RPH3A: variants seen among roughly 807,000 people sequenced by gnomAD.
The protein encoded by RPH3A is rabphilin 3A.
Under a neutral mutation model 102.2 loss-of-function variants are expected in RPH3A, and 48 were observed. That is an observed-to-expected ratio of 0.47 (90% CI 0.37 to 0.60). The LOEUF is 0.60. Among genes scored for constraint, RPH3A ranks in the 20% least tolerant of loss-of-function variants. RPH3A has a pLI of 0.00. For missense variants in RPH3A, 781 were observed against 910.1 expected, an observed-to-expected ratio of 0.86 and a Z score of 1.83; for synonymous variants, 310 against 324.3, an observed-to-expected ratio of 0.96 and a Z score of 0.47.
intron 2 of RPH3A, among the ~76,000 whole-genome samples, chr12:112,794,679 A>AC (rs1056212229): frequency 1.1e-4 from 16 of 151,718 alleles, no homozygotes; most frequent in East Asian, 3.9e-4. Context: ...CCATGTGAGC[A>AC]CCCCCCCAAG....
intron 1 of RPH3A, among the ~76,000 whole-genome samples, chr12:112,735,197 T>A (rs896378017): frequency 7.2e-5 from 11 of 152,316 alleles, no homozygotes; most frequent in African/African-American, 2.6e-4. Context: ...TTTAAGAGCT[T>A]AGTATCGATT....
chr12:112,746,157 C>T (rs1257935212), intron 1 of RPH3A, among the ~76,000 whole-genome samples: 1 of 152,108 alleles, frequency 6.6e-6, no homozygotes, highest in Non-Finnish European at 1.5e-5. Context: ...TCATCCCTCC[C>T]TCTTTTCCTT....
At chr12:112,585,629 G>C (rs1053394908) in intron 1 of RPH3A, among the ~76,000 whole-genome samples, 2 of 152,158 alleles carry the variant, frequency 1.3e-5, no homozygotes, top group Non-Finnish European at 2.9e-5. Context: ...CAGCTACTTG[G>C]GAGGTTGAGG....
intron 1 of RPH3A, among the ~76,000 whole-genome samples, chr12:112,708,123 T>C (rs912295883): frequency 1.3e-5 from 2 of 152,226 alleles, no homozygotes; most frequent in South Asian, 4.1e-4. Context: ...ACAGAAAGTC[T>C]TGGGCTCCTA....
At chr12:112,685,084 A>C (rs1373977522) in intron 1 of RPH3A, among the ~76,000 whole-genome samples, 2 of 152,124 alleles carry the variant, frequency 1.3e-5, no homozygotes, top group African/African-American at 2.4e-5. Flanking sequence ...CTACAGGTGC[A>C]TGCCACCATG....
At chr12:112,648,953 G>A (rs1048687286) in intron 1 of RPH3A, among the ~76,000 whole-genome samples, 9 of 151,990 alleles carry the variant, frequency 5.9e-5, no homozygotes, top group African/African-American at 2.2e-4. Context: ...CAAGTAACTG[G>A]GATTACAGGC....
chr12:112,770,390 T>G (rs1240887030), intron 1 of RPH3A, among the ~76,000 whole-genome samples: 1 of 152,026 alleles, frequency 6.6e-6, no homozygotes, highest in African/African-American at 2.4e-5. Context: ...CTGTCACTCA[T>G]GCTGGAGTGC....
intron 1 of RPH3A, among the ~76,000 whole-genome samples, chr12:112,637,718 T>A (rs909543016): frequency 6.6e-6 from 1 of 152,084 alleles, no homozygotes; most frequent in Non-Finnish European, 1.5e-5. Context: ...TATGTTACCT[T>A]TTCCATTTTC....
intron 1 of RPH3A, among the ~76,000 whole-genome samples, chr12:112,640,325 CAAAAAAAAAAAAAAAAAAA>C (rs1158230534): frequency 7.8e-4 from 11 of 14,060 alleles, no homozygotes; most frequent in Admixed American, 1.1e-3. Flanking sequence ...AACTCCATCT[CAAAAAAAAAAAAAAAAAAA>C]AAAAAAAAAA....
intron 2 of RPH3A, among the ~76,000 whole-genome samples, chr12:112,803,354 G>A (rs944255401): frequency 6.6e-6 from 1 of 152,084 alleles, no homozygotes; most frequent in African/African-American, 2.4e-5. Context: ...AATTATCAGG[G>A]AGAGGATGAA....
At chr12:112,636,294 T>A (rs919325569) in intron 1 of RPH3A, among the ~76,000 whole-genome samples, 1 of 152,210 alleles carries the variant, frequency 6.6e-6, no homozygotes, top group African/African-American at 2.4e-5. Context: ...ATATCACTTC[T>A]ACTCACATTT....
chr12:112,627,931 G>A (rs370206864), intron 1 of RPH3A, among the ~76,000 whole-genome samples: 10 of 149,330 alleles, frequency 6.7e-5, no homozygotes, highest in Non-Finnish European at 1.5e-4. Flanking sequence ...CAATCAGGGC[G>A]GAAGGCAAAG....
At chr12:112,734,098 T>C (rs2040652445) in intron 1 of RPH3A, among the ~76,000 whole-genome samples, 1 of 152,158 alleles carries the variant, frequency 6.6e-6, no homozygotes, top group South Asian at 2.1e-4. Context: ...AGTACAGTCA[T>C]GAGCTGCATA....
rs998152113 is a variant in RPH3A, at chr12:112,897,003, G to C, written c.*223G>C. On this transcript the variant is annotated 3_prime_UTR_variant, in exon 22 of 22. Transcript: ENST00000389385. The stretch of plus-strand genomic sequence containing the variant: ...TGAATACAGCCCCTCTCTCATCCCT[G>C]GGATGGAGCAATGGGGATGGGGTTG... The C allele has an allele frequency of 2.8e-5, 15 of 530,196 alleles. No homozygotes were observed. Among genetic ancestry groups the C allele is most frequent in the Non-Finnish European group, 4.7e-5 (14 of 295,286 alleles). The allele number at this position is 530,196 out of a possible 1,614,324, so 32.8% of individuals were successfully genotyped here. A position where few individuals can be genotyped will look rare whatever the true frequency, so the allele number is the denominator to read the frequency against.
intron 1 of RPH3A, among the ~76,000 whole-genome samples, chr12:112,747,657 C>T (rs739744): frequency 0.55 from 83,085 of 152,048 alleles, 22,976 homozygotes; most frequent in East Asian, 0.78. Context: ...CTCCCTCGAT[C>T]TGGGTCTGTG....
At chr12:112,879,247 G>A (rs772722599) in intron 14 of RPH3A, 49 bp downstream of exon 14, 1 of 1,506,198 alleles carries the variant, frequency 6.6e-7, no homozygotes, top group Admixed American at 1.7e-5. Context: ...CTCTGGCATG[G>A]CTAGGAGACT....
At chr12:112,754,937 TA>T in intron 1 of RPH3A, among the ~76,000 whole-genome samples, 1 of 152,212 alleles carries the variant, frequency 6.6e-6, no homozygotes, top group South Asian at 2.1e-4. Flanking sequence ...CAGTATTTTT[TA>T]AAAGCTTCCC....
chr12:112,756,959 T>C (rs1275989128), intron 1 of RPH3A, among the ~76,000 whole-genome samples: 1 of 152,234 alleles, frequency 6.6e-6, no homozygotes, highest in Non-Finnish European at 1.5e-5. Context: ...CAGTGTAGTT[T>C]TACTTTGCAT....
At chr12:112,659,574 G>A (rs1445295178) in intron 1 of RPH3A, among the ~76,000 whole-genome samples, 1 of 152,130 alleles carries the variant, frequency 6.6e-6, no homozygotes, top group Non-Finnish European at 1.5e-5. Context: ...CTTGATTAAG[G>A]TAGTATCTGC....
Sources: gnomAD v4.1 joint callset for allele counts (sites outside exome capture counted in the v4.1 genomes callset) on GRCh38, gnomAD v4.1.1 for gene constraint, MANE v1.5 for transcripts, NCBI Gene and HGNC (gene_info 2026-07-23, HGNC 2026-07-21) for gene names.